NOSTRIN: variants seen among roughly 807,000 people sequenced by gnomAD.
The protein encoded by NOSTRIN is BM247 homolog.
NOSTRIN carries 63 observed loss-of-function variants against 59.0 expected under a neutral mutation model. That is an observed-to-expected ratio of 1.07 (90% CI 0.87 to 1.32). NOSTRIN has a LOEUF of 1.32. Ranked by LOEUF, NOSTRIN falls within the 40% of genes most tolerant of loss-of-function variation. The probability of loss-of-function intolerance (pLI) is 0.00; values close to 1 mark genes in which losing one functional copy is unlikely to be tolerated. For missense variants in NOSTRIN, 512 were observed against 473.1 expected (o/e 1.08, Z -0.76); for synonymous variants, 200 against 165.4 (o/e 1.21, Z -1.61).
chr2:168,842,903 C>A, intron 7 of NOSTRIN, 89 bp from the exon 8 acceptor site: 4 of 792,696 alleles, frequency 5.0e-6, no homozygotes, highest in Non-Finnish European at 6.5e-6. Context: ...AGAAACATAT[C>A]ATTGAGCCAC....
rs559956305 is a variant in NOSTRIN at position 168,843,015 on chromosome 2, A to G, written c.528A>G (p.Ser176=). The change falls in exon 8 of 16, where the codon TCA becomes TCG. Residue 176 remains serine (S), a synonymous_variant. Transcript: ENST00000317647. The stretch of plus-strand genomic sequence containing the variant: ...AGCTCCTCAATAAACTGACAAAATC[A>G]ACTGAAAAGTTGGAAAAGGAAGATG... ...KRKLLNKLTK[S]TEKLEKEDEN... 2 of 872,778 alleles carry G rather than the reference A, an allele frequency of 2.3e-6. No homozygotes were observed. The highest frequency in any genetic ancestry group is 3.3e-5 in the African/African-American group (2 of 61,454). The allele number at this position is 872,778 out of a possible 1,614,324, so 54.1% of individuals were successfully genotyped here. A position where few individuals can be genotyped will look rare whatever the true frequency, so the allele number is the denominator to read the frequency against.
chr2:168,823,154 C>T (rs760254100), intron 2 of NOSTRIN, among the ~76,000 whole-genome samples: 8 of 152,052 alleles, frequency 5.3e-5, no homozygotes, highest in African/African-American at 9.7e-5. Context: ...ATAGCTGGGA[C>T]TACAGGCGTG....
intron 1 of NOSTRIN, among the ~76,000 whole-genome samples, chr2:168,803,033 G>A (rs1685673207): frequency 6.6e-6 from 1 of 152,156 alleles, no homozygotes; most frequent in African/African-American, 2.4e-5. Context: ...CAGAATGTCT[G>A]CAGCCAATTT....
intron 8 of NOSTRIN, chr2:168,850,746 C>T: frequency 1.0e-5 from 7 of 692,416 alleles, no homozygotes; most frequent in Non-Finnish European, 1.7e-5. Context: ...AACCCCATCT[C>T]TACTGAAATT....
chr2:168,803,180 G>C (rs1376257616), intron 1 of NOSTRIN, among the ~76,000 whole-genome samples: 1 of 152,128 alleles, frequency 6.6e-6, no homozygotes, highest in Non-Finnish European at 1.5e-5. Flanking sequence ...TCTCAGACTG[G>C]TTTAGCAGCA....
chr2:168,840,503 C>T (rs558713378), intron 7 of NOSTRIN, among the ~76,000 whole-genome samples: 33 of 132,554 alleles, frequency 2.5e-4, no homozygotes, highest in African/African-American at 8.4e-4. Flanking sequence ...GCACTCCAGC[C>T]TGGGGGACAG....
intron 3 of NOSTRIN, among the ~76,000 whole-genome samples, chr2:168,826,605 C>T (rs775084411): frequency 4.6e-5 from 7 of 152,174 alleles, no homozygotes; most frequent in Non-Finnish European, 1.0e-4. Context: ...GGAGCATCTC[C>T]ATTCAGACAC....
intron 1 of NOSTRIN, among the ~76,000 whole-genome samples, 169 bp downstream of exon 1, chr2:168,802,842 CAG>C (rs1452924508): frequency 3.9e-5 from 6 of 152,186 alleles, no homozygotes; most frequent in Admixed American, 6.5e-5. Context: ...AGTTTAAAAA[CAG>C]AGCTTTTTCT....
intron 5 of NOSTRIN, among the ~76,000 whole-genome samples, chr2:168,830,424 T>C (rs1204780963): frequency 6.6e-6 from 1 of 152,228 alleles, no homozygotes; most frequent in Non-Finnish European, 1.5e-5. Flanking sequence ...CAGACACATA[T>C]GTGAAATCAA....
intron 8 of NOSTRIN, among the ~76,000 whole-genome samples, chr2:168,847,110 T>C (rs1688477741): frequency 6.6e-6 from 1 of 152,118 alleles, no homozygotes; most frequent in South Asian, 2.1e-4. Context: ...GCTTATGAAA[T>C]AATTAAAGTG....
intron 10 of NOSTRIN, among the ~76,000 whole-genome samples, chr2:168,853,647 A>G (rs1189439786): frequency 1.3e-5 from 2 of 152,198 alleles, no homozygotes; most frequent in East Asian, 3.9e-4. Flanking sequence ...CATTCCTTCA[A>G]CAGGGAAGGA....
At chr2:168,790,267 T>G (rs1464423529) in intron 2 of NOSTRIN, among the ~76,000 whole-genome samples, 1 of 152,194 alleles carries the variant, frequency 6.6e-6, no homozygotes, top group Non-Finnish European at 1.5e-5. Context: ...AATGGGAAAC[T>G]ATGAGTTCAT....
Position 168,859,719 on chromosome 2 carries a change from GGT to G in NOSTRIN, c.1179+85_1179+86del, listed in dbSNP as rs775241960. The G allele has an allele frequency of 3.4e-4, 510 of 1,513,096 alleles. 2 individuals carry two copies. Among genetic ancestry groups the G allele is most frequent in the Middle Eastern group, 3.3e-3 (19 of 5,700 alleles). The allele number at this position is 1,513,096 out of a possible 1,614,324, so 93.7% of individuals were successfully genotyped here. A position where few individuals can be genotyped will look rare whatever the true frequency, so the allele number is the denominator to read the frequency against. On this transcript the variant is annotated intron_variant, in intron 13 of 15. Coordinates refer to ENST00000317647, the MANE Select transcript of NOSTRIN (RefSeq NM_001039724.4). Reference sequence around the variant, plus strand: ...CTTAAAGTAGCATCAGGGCAAAAAAGGTGTTAGGAATTCTATGTGATATTAAT... The same window carrying G: ...CTTAAAGTAGCATCAGGGCAAAAAAGGTTAGGAATTCTATGTGATATTAAT...
At chr2:168,803,419 G>A (rs528287333) in intron 1 of NOSTRIN, among the ~76,000 whole-genome samples, 1 of 152,238 alleles carries the variant, frequency 6.6e-6, no homozygotes, top group East Asian at 1.9e-4. Context: ...AGCTAAGATT[G>A]GTGACATCAT....
chr2:168,805,396 T>A (rs1476027078), intron 1 of NOSTRIN, among the ~76,000 whole-genome samples: 1 of 152,234 alleles, frequency 6.6e-6, no homozygotes, highest in Non-Finnish European at 1.5e-5. Context: ...GATGTTTCAT[T>A]GCCTATGAAG....
intron 2 of NOSTRIN, among the ~76,000 whole-genome samples, chr2:168,813,808 C>T (rs1460471485): frequency 6.6e-6 from 1 of 152,004 alleles, no homozygotes; most frequent in African/African-American, 2.4e-5. Context: ...TTACCTAGAT[C>T]AAAAAAATTA....
upstream of NOSTRIN, among the ~76,000 whole-genome samples, chr2:168,796,281 A>T (rs1574248124): frequency 6.6e-6 from 1 of 152,212 alleles, no homozygotes; most frequent in South Asian, 2.1e-4. Context: ...AAGACATGTT[A>T]AGGTGTGTCA....
chr2:168,788,959 A>G (rs1574243984), intron 2 of NOSTRIN, among the ~76,000 whole-genome samples: 1 of 152,076 alleles, frequency 6.6e-6, no homozygotes, highest in Admixed American at 6.6e-5. Flanking sequence ...ATAACTGTCC[A>G]CCTCAGAGCC....
chr2:168,796,568 C>G (rs1164639183), upstream of NOSTRIN, among the ~76,000 whole-genome samples: 1 of 152,206 alleles, frequency 6.6e-6, no homozygotes, highest in African/African-American at 2.4e-5. Flanking sequence ...CTCCAGCTCT[C>G]CCAAACTTAT....
Sources: gnomAD v4.1 joint callset for allele counts (sites outside exome capture counted in the v4.1 genomes callset) on GRCh38, gnomAD v4.1.1 for gene constraint, MANE v1.5 for transcripts, NCBI Gene and HGNC (gene_info 2026-07-23, HGNC 2026-07-21) for gene names.